ACAP2: variants seen among roughly 807,000 people sequenced by gnomAD.
The protein encoded by ACAP2 is arf-GAP with coiled-coil, ANK repeat and PH domain-containing protein 2.
A neutral mutation model predicts 115.8 loss-of-function variants in ACAP2; 39 were observed. The ratio of observed to expected loss-of-function variants is 0.34; its 90% CI spans 0.26 to 0.44. ACAP2 has a LOEUF of 0.44. ACAP2 is among the 20% of genes least tolerant of loss of function. The pLI is 1.00. For missense variants in ACAP2, 662 were observed against 927.6 expected, an observed-to-expected ratio of 0.71 and a Z score of 3.72; for synonymous variants, 289 against 315.8, an observed-to-expected ratio of 0.92 and a Z score of 0.90.
intron 18 of ACAP2, 110 bp downstream of exon 18, chr3:195,294,602 AAAAAAAT>A (rs1245075226): frequency 4.2e-4 from 30 of 72,274 alleles, no homozygotes; most frequent in African/African-American, 2.2e-3. Flanking sequence ...GAAAAAAAAA[AAAAAAAT>A]TATATATATA....
At chr3:195,391,476 T>G (rs1734672712) in intron 2 of ACAP2, among the ~76,000 whole-genome samples, 3 of 151,826 alleles carry the variant, frequency 2.0e-5, no homozygotes, top group Admixed American at 1.3e-4. Flanking sequence ...TCCGCCCATC[T>G]CAGCCTCCCA....
In ACAP2 at chr3:195,333,078, A is replaced by G; in HGVS notation, c.619T>C (p.Tyr207His). 6.2e-7 allele frequency: 1 copy of G among 1,610,648 alleles called. No individual in the cohort carries two copies. The highest frequency in any genetic ancestry group is 8.5e-7 in the Non-Finnish European group (1 of 1,178,586). Residue 207 changes from tyrosine to histidine, a missense_variant, in exon 8 of 23, where the codon TAT becomes CAT. Tyr to His is a moderately conservative substitution (Grantham distance 83). Coordinates refer to ENST00000326793, the MANE Select transcript of ACAP2 (RefSeq NM_012287.6). ...GGTCCAAGTTCACTAAACAGATCAT[A>G]TCCTTGATGAAAGAAGGCCAAATGG... ...YAHLAFFHQG[Y>H]DLFSELGPYM...
intron 1 of ACAP2, among the ~76,000 whole-genome samples, chr3:195,409,468 A>G (rs916768748): frequency 6.6e-6 from 1 of 152,220 alleles, no homozygotes. Context: ...AAATGGAAAC[A>G]TATCCCATGT....
chr3:195,328,311 A>G (rs1024961569), intron 8 of ACAP2, among the ~76,000 whole-genome samples: 5 of 152,208 alleles, frequency 3.3e-5, no homozygotes, highest in African/African-American at 1.2e-4. Flanking sequence ...AAATTTTTAA[A>G]AAGTCTTTTT....
At chr3:195,341,918 C>T (rs1208470115) in intron 6 of ACAP2, among the ~76,000 whole-genome samples, 3 of 152,016 alleles carry the variant, frequency 2.0e-5, no homozygotes, top group African/African-American at 2.4e-5. Flanking sequence ...TGTGTTGTCA[C>T]CTATAAGTAG....
rs775797379 is a variant in ACAP2, at chr3:195,438,024, A to ATGTTT, written c.53+4770_53+4771insAAACA. 3.6e-5 allele frequency among the ~76,000 whole-genome samples: 4 copies of ATGTTT among 111,526 alleles called. No individual in the cohort carries two copies. The East Asian group carries it at 1.9e-3, about 54-fold the overall frequency. The allele number at this position is 111,526 out of a possible 152,430, so 73.2% of individuals were successfully genotyped here. A position where few individuals can be genotyped will look rare whatever the true frequency, so the allele number is the denominator to read the frequency against. Reference sequence around the variant, plus strand: ...AAGCCATTGCGCCCCACCTGCAAGAATTTTCTTTTTTTTTTTTTTGAGATG... The same window carrying ATGTTT: ...AAGCCATTGCGCCCCACCTGCAAGAATGTTTTTTTCTTTTTTTTTTTTTTGAGATG... On this transcript the variant is annotated intron_variant, in intron 1 of 22. Transcript: ENST00000326793.
rs144481711 is a variant in ACAP2, at chr3:195,275,512, T to A, written c.*3816A>T. 4.2e-4 allele frequency: 64 copies of A among 152,358 alleles called. No homozygotes were observed. Among genetic ancestry groups the A allele is most frequent in the African/African-American group, 1.5e-3 (63 of 41,576 alleles). 9.4% of individuals were successfully genotyped at this position (152,358 alleles called of 1,614,324 possible). Reference sequence around the variant, plus strand: ...ACTTTTATCCAGGTTCTCCAGAATATTTGGAGTCTTTGTTATCAAAGCACA... The same window carrying A: ...ACTTTTATCCAGGTTCTCCAGAATAATTGGAGTCTTTGTTATCAAAGCACA... On this transcript the variant is annotated 3_prime_UTR_variant, in exon 23 of 23. Transcript: ENST00000326793.
At chr3:195,367,072 C>T (rs1022174806) in intron 4 of ACAP2, among the ~76,000 whole-genome samples, 2 of 109,240 alleles carry the variant, frequency 1.8e-5, no homozygotes, top group East Asian at 4.6e-4. Context: ...AAAAAAAAAA[C>T]GGCAATGGGC....
At position 195,289,241 on chromosome 3, in the gene ACAP2, A is replaced by G. The variant is rs769462393; in HGVS notation, c.2064-10T>C. Reference sequence around the variant, plus strand: ...GAATAAACATACCTGCCTGTTTAAGAACACAGCATTTTTGAGATATTGTCG... The same window carrying G: ...GAATAAACATACCTGCCTGTTTAAGGACACAGCATTTTTGAGATATTGTCG... On this transcript the variant is annotated splice_polypyrimidine_tract_variant and intron_variant, in intron 20 of 22. Transcript: ENST00000326793. 1.3e-6 allele frequency: 2 copies of G among 1,588,792 alleles called. No individual in the cohort carries two copies. The highest frequency in any genetic ancestry group is 2.3e-5 in the South Asian group (2 of 86,832).
chr3:195,318,233 T>G (rs1393785007), intron 10 of ACAP2, among the ~76,000 whole-genome samples: 1 of 152,224 alleles, frequency 6.6e-6, no homozygotes, highest in African/African-American at 2.4e-5. Context: ...TCAGGTAGTA[T>G]CTTTATAGCA....
chr3:195,306,478 A>G (rs779813544), intron 13 of ACAP2, 33 bp downstream of exon 13: 2 of 1,443,636 alleles, frequency 1.4e-6, no homozygotes, highest in Non-Finnish European at 1.9e-6. Flanking sequence ...TTTTGGCAAT[A>G]TATTATCTGG....
At chr3:195,301,475 A>G (rs910422833) in intron 15 of ACAP2, 100 bp downstream of exon 15, 3 of 898,744 alleles carry the variant, frequency 3.3e-6, no homozygotes, top group Non-Finnish European at 5.2e-6. Flanking sequence ...GCTAGCATAC[A>G]TTGGTAGCAT....
chr3:195,372,987 C>CAG (rs1475600084), intron 4 of ACAP2, among the ~76,000 whole-genome samples: 1 of 17,790 alleles, frequency 5.6e-5, no homozygotes, highest in African/African-American at 1.9e-4. Context: ...GACTCCATCT[C>CAG]AAAAAAAAAA....
chr3:195,409,526 C>T (rs902506350), intron 1 of ACAP2, among the ~76,000 whole-genome samples: 2 of 152,056 alleles, frequency 1.3e-5, no homozygotes, highest in Non-Finnish European at 2.9e-5. Context: ...TTACCCAAAG[C>T]CTTCTACAGA....
At chr3:195,287,779 G>C (rs1726942848) in intron 21 of ACAP2, among the ~76,000 whole-genome samples, 1 of 152,028 alleles carries the variant, frequency 6.6e-6, no homozygotes, top group Non-Finnish European at 1.5e-5. Flanking sequence ...AACAATCCCA[G>C]CCTCTGCCCT....
chr3:195,369,433 T>A (rs564869129), intron 4 of ACAP2, among the ~76,000 whole-genome samples: 3 of 152,252 alleles, frequency 2.0e-5, no homozygotes, highest in South Asian at 2.1e-4. Context: ...CCCTCCACCC[T>A]CAAGGGCTTC....
In ACAP2 at chr3:195,333,106, A is replaced by G; in HGVS notation, c.591T>C (p.Tyr197=). 2 of 1,606,092 alleles carry G rather than the reference A, an allele frequency of 1.2e-6. No individual in the cohort carries two copies. The highest frequency in any genetic ancestry group is 1.7e-6 in the Non-Finnish European group (2 of 1,176,002). ...CTTGATGAAAGAAGGCCAAATGGGC[A>G]TACATAAATGACAACATCTAATAGG... ...EILKSMLSFM[Y]AHLAFFHQGY... The change falls in exon 8 of 23, where the codon TAT becomes TAC. Residue 197 remains tyrosine (Y), a synonymous_variant. Coordinates refer to ENST00000326793, the MANE Select transcript of ACAP2 (RefSeq NM_012287.6).
intron 8 of ACAP2, among the ~76,000 whole-genome samples, chr3:195,332,147 A>G (rs1175193453): frequency 6.6e-6 from 1 of 151,934 alleles, no homozygotes; most frequent in Non-Finnish European, 1.5e-5. Flanking sequence ...AAAAAAAAAA[A>G]AAAATACTAT....
intron 2 of ACAP2, among the ~76,000 whole-genome samples, chr3:195,382,336 G>A (rs989365560): frequency 2.6e-5 from 4 of 151,720 alleles, no homozygotes; most frequent in Non-Finnish European, 5.9e-5. Flanking sequence ...GTCTATCAAC[G>A]CAGATAGCTA....
Sources: gnomAD v4.1 joint callset for allele counts (sites outside exome capture counted in the v4.1 genomes callset) on GRCh38, gnomAD v4.1.1 for gene constraint, MANE v1.5 for transcripts, NCBI Gene and HGNC (gene_info 2026-07-23, HGNC 2026-07-21) for gene names.